NKAIN2: variants seen among roughly 807,000 people sequenced by gnomAD.
NKAIN2 encodes the protein sodium/potassium-transporting ATPase subunit beta-1-interacting protein 2.
Under a neutral mutation model 32.6 loss-of-function variants are expected in NKAIN2, and 14 were observed. The observed-to-expected ratio is 0.43, with a 90% confidence interval of 0.28 to 0.67. NKAIN2 has a LOEUF of 0.67. NKAIN2 is among the 30% of genes least tolerant of loss of function. NKAIN2 has a pLI of 0.17. For synonymous variants in NKAIN2, 80 were observed against 87.2 expected, an observed-to-expected ratio of 0.92 and a Z score of 0.46; for missense variants, 198 against 258.3, an observed-to-expected ratio of 0.77 and a Z score of 1.60.
intron 1 of NKAIN2, among the ~76,000 whole-genome samples, chr6:123,879,444 C>T (rs544272953): frequency 2.8e-4 from 43 of 152,296 alleles, no homozygotes; most frequent in Non-Finnish European, 5.0e-4. Context: ...ATCTGGAATA[C>T]AGTGGCTTTT....
At chr6:124,121,663 A>G (rs1217445425) in intron 1 of NKAIN2, among the ~76,000 whole-genome samples, 3 of 152,138 alleles carry the variant, frequency 2.0e-5, no homozygotes, top group Non-Finnish European at 4.4e-5. Context: ...GGTTGATACA[A>G]TGAAAGAAAA....
At chr6:124,088,572 C>G (rs1018766102) in intron 1 of NKAIN2, among the ~76,000 whole-genome samples, 1 of 151,936 alleles carries the variant, frequency 6.6e-6, no homozygotes, top group African/African-American at 2.4e-5. Context: ...TAGTTTTTAC[C>G]TGCTGAAGAC....
intron 3 of NKAIN2, among the ~76,000 whole-genome samples, chr6:124,395,522 G>T (rs537292926): frequency 3.4e-4 from 52 of 152,186 alleles, no homozygotes; most frequent in African/African-American, 1.3e-3. Context: ...AGAGATAAAA[G>T]AAATGGTTAA....
In NKAIN2 at chr6:124,759,646, CACACACACA is replaced by C. The variant is rs1562367774; in HGVS notation, c.475-31692_475-31684del. On this transcript the variant is annotated intron_variant, in intron 4 of 6. Coordinates refer to ENST00000368417, the MANE Select transcript of NKAIN2 (RefSeq NM_001040214.3). ...ACACACACACACACACACACACACA[CACACACACA>C]CCCCCTATCTCCCTTTCCTGCCTTA... Among the ~76,000 whole-genome samples, 97 of 109,616 alleles carry C rather than the reference CACACACACA, an allele frequency of 8.8e-4. 1 individual carries two copies. The highest frequency in any genetic ancestry group is 4.8e-3 in the Middle Eastern group (1 of 210). The allele number at this position is 109,616 out of a possible 152,430, so 71.9% of individuals were successfully genotyped here. A position where few individuals can be genotyped will look rare whatever the true frequency, so the allele number is the denominator to read the frequency against.
At chr6:123,976,366 TA>T (rs1778613233) in intron 1 of NKAIN2, among the ~76,000 whole-genome samples, 5 of 26,656 alleles carry the variant, frequency 1.9e-4, no homozygotes, top group African/African-American at 9.4e-4. Context: ...TATATATATA[TA>T]TTCCCATATA....
intron 3 of NKAIN2, among the ~76,000 whole-genome samples, chr6:124,383,770 T>C (rs1772756898): frequency 6.6e-6 from 1 of 152,166 alleles, no homozygotes; most frequent in Non-Finnish European, 1.5e-5. Flanking sequence ...TAGGAAAAGC[T>C]TGGACAATCA....
At chr6:124,724,384 T>C (rs1776174039) in intron 4 of NKAIN2, among the ~76,000 whole-genome samples, 1 of 152,210 alleles carries the variant, frequency 6.6e-6, no homozygotes, top group Non-Finnish European at 1.5e-5. Flanking sequence ...TATAAGTTAT[T>C]ATATCTTCAC....
chr6:124,250,697 C>T (rs1012388369), intron 1 of NKAIN2, among the ~76,000 whole-genome samples: 1 of 151,952 alleles, frequency 6.6e-6, no homozygotes, highest in Admixed American at 6.6e-5. Context: ...AAAGGAAGTG[C>T]TTCACATAAA....
At chr6:124,622,958 A>C (rs1783165074) in intron 3 of NKAIN2, among the ~76,000 whole-genome samples, 1 of 151,972 alleles carries the variant, frequency 6.6e-6, no homozygotes, top group South Asian at 2.1e-4. Context: ...TTGGTGTGAA[A>C]ACAGGAATGC....
At chr6:124,614,042 A>G (rs1782790286) in intron 3 of NKAIN2, among the ~76,000 whole-genome samples, 1 of 152,178 alleles carries the variant, frequency 6.6e-6, no homozygotes, top group Admixed American at 6.5e-5. Context: ...CTACACCTCA[A>G]GAATTCATTG....
chr6:124,406,752 TTTTA>T (rs1364270586), intron 3 of NKAIN2, among the ~76,000 whole-genome samples: 8 of 152,114 alleles, frequency 5.3e-5, no homozygotes, highest in Non-Finnish European at 1.0e-4. Flanking sequence ...TTTGTTGTTT[TTTTA>T]TTTGAGTTAT....
intron 4 of NKAIN2, among the ~76,000 whole-genome samples, chr6:124,679,842 T>A (rs181315212): frequency 1.4e-3 from 212 of 152,310 alleles, no homozygotes; most frequent in African/African-American, 4.7e-3. Flanking sequence ...CAGGTTTATA[T>A]GGAAAAAGTA....
chr6:124,533,371 C>G (rs1344923358), intron 3 of NKAIN2, among the ~76,000 whole-genome samples: 9 of 145,490 alleles, frequency 6.2e-5, no homozygotes, highest in African/African-American at 2.0e-4. Flanking sequence ...ACTGGGGAGG[C>G]TGAGGCAGGA....
rs141070802 is a variant in NKAIN2, at chr6:124,681,364, TCTAA to T, written c.474+22981_474+22984del. ...CATCTTCTTTGATATAAATCACACA[TCTAA>T]CTGTCTTCCACTTCTTTGGGGGTAA... On this transcript the variant is annotated intron_variant, in intron 4 of 6. Transcript: ENST00000368417. Among the ~76,000 whole-genome samples, 361 of 152,150 alleles carry T rather than the reference TCTAA, an allele frequency of 2.4e-3. 2 individuals carry two copies. Among genetic ancestry groups the T allele is most frequent in the Non-Finnish European group, 4.3e-3 (293 of 67,910 alleles).
At chr6:124,817,260 A>G (rs1311533761) in intron 5 of NKAIN2, among the ~76,000 whole-genome samples, 1 of 151,738 alleles carries the variant, frequency 6.6e-6, no homozygotes, top group Non-Finnish European at 1.5e-5. Flanking sequence ...TTTTTGGCTC[A>G]CCAGCTATCG....
intron 3 of NKAIN2, among the ~76,000 whole-genome samples, chr6:124,472,495 G>A (rs750885518): frequency 3.3e-5 from 5 of 152,002 alleles, no homozygotes; most frequent in Non-Finnish European, 5.9e-5. Context: ...GCCTTTGGGA[G>A]CACACATAGA....
chr6:123,838,123 T>C (rs1393862687), intron 1 of NKAIN2, among the ~76,000 whole-genome samples: 1 of 152,080 alleles, frequency 6.6e-6, no homozygotes, highest in Non-Finnish European at 1.5e-5. Flanking sequence ...TCTTAGAAAA[T>C]ATACACCAAA....
At chr6:124,034,870 A>T (rs1369369104) in intron 1 of NKAIN2, among the ~76,000 whole-genome samples, 1 of 152,020 alleles carries the variant, frequency 6.6e-6, no homozygotes, top group Admixed American at 6.6e-5. Flanking sequence ...TCTGAAGATT[A>T]GTGATGTTGA....
chr6:123,862,987 A>G (rs1324553396), intron 1 of NKAIN2, among the ~76,000 whole-genome samples: 1 of 152,180 alleles, frequency 6.6e-6, no homozygotes, highest in Non-Finnish European at 1.5e-5. Flanking sequence ...GTCTTATTGA[A>G]TAGCTGCATC....
Sources: gnomAD v4.1 joint callset for allele counts (sites outside exome capture counted in the v4.1 genomes callset) on GRCh38, gnomAD v4.1.1 for gene constraint, MANE v1.5 for transcripts, NCBI Gene and HGNC (gene_info 2026-07-23, HGNC 2026-07-21) for gene names.